STAB2: variants seen among roughly 807,000 people sequenced by gnomAD.
STAB2 encodes stabilin-2.
STAB2 carries 288 observed loss-of-function variants against 338.1 expected under a neutral mutation model. The ratio of observed to expected loss-of-function variants is 0.85; its 90% confidence interval spans 0.77 to 0.94. The LOEUF (loss-of-function observed/expected upper bound fraction) is 0.94. Ranked by LOEUF, STAB2 falls within the 40% of genes least tolerant of loss-of-function variation. STAB2 has a pLI of 0.00. For synonymous variants in STAB2, 1,202 were observed against 1,193.3 expected (o/e 1.01, Z -0.15); for missense variants, 3,141 against 3,210.1 (o/e 0.98, Z 0.52).
At chr12:103,744,060 C>G (rs1039451902) in intron 56 of STAB2, among the ~76,000 whole-genome samples, 1 of 152,104 alleles carries the variant, frequency 6.6e-6, no homozygotes, top group Non-Finnish European at 1.5e-5. Context: ...AATGCAACAA[C>G]CCAGGCCAGC....
Position 103,673,959 on chromosome 12 carries a change from C to A in STAB2, c.2424C>A (p.Ala808=). Residue 808 remains alanine, a synonymous_variant, in exon 23 of 69, where the codon GCC becomes GCA. Transcript: ENST00000388887. ...TCNNRIDSDG[A]CLTGTCRDGS... Reference sequence around the variant, plus strand: ...ATAACAGGATAGACAGCGATGGGGCCTGCCTCACTGGCACATGCAGAGACG... The same window carrying A: ...ATAACAGGATAGACAGCGATGGGGCATGCCTCACTGGCACATGCAGAGACG... The A allele has an allele frequency of 6.2e-7, 1 of 1,614,134 alleles. No individual in the cohort carries two copies. The highest frequency in any genetic ancestry group is 8.5e-7 in the Non-Finnish European group (1 of 1,180,028).
At chr12:103,608,225 G>A (rs893618027) in intron 3 of STAB2, among the ~76,000 whole-genome samples, 13 of 152,112 alleles carry the variant, frequency 8.5e-5, no homozygotes, top group Admixed American at 3.9e-4. Flanking sequence ...TGCAAGCTCC[G>A]CCTCATGGGT....
rs750374747 is a variant in STAB2, at chr12:103,749,016, T to C, written c.6298T>C (p.Ser2100Pro). The C allele has an allele frequency of 6.2e-7, 1 of 1,614,006 alleles. No homozygotes were observed. ...GGGCTGTGCAAAGGTGGCCAGATGC[T>C]CCCAGAAGGGCACGAAGGTCTCCTG... ...NGGCAKVARC[S>P]QKGTKVSCSC... The change falls in exon 59 of 69, where the codon TCC becomes CCC. Residue 2100 changes from serine to proline, a missense_variant. Coordinates refer to ENST00000388887, the MANE Select transcript of STAB2 (RefSeq NM_017564.10).
Position 103,737,799 on chromosome 12 carries a change from A to C in STAB2, c.5697+19A>C. 6.2e-7 allele frequency: 1 copy of C among 1,613,152 alleles called. No individual in the cohort carries two copies. Among genetic ancestry groups the C allele is most frequent in the Non-Finnish European group, 8.5e-7 (1 of 1,179,698 alleles). ...TGCCTCGGTCAGTCCTAAAAACAAC[A>C]GTGTAGTAAGAGAACCTTAAGCCAA... On this transcript the variant is annotated intron_variant, in intron 53 of 68. Coordinates refer to ENST00000388887, the MANE Select transcript of STAB2 (RefSeq NM_017564.10).
chr12:103,660,987 A>G (rs1874559466), intron 17 of STAB2, among the ~76,000 whole-genome samples: 1 of 152,232 alleles, frequency 6.6e-6, no homozygotes, highest in Non-Finnish European at 1.5e-5. Context: ...ATAGACTTCT[A>G]TCCCAGCAGG....
At chr12:103,698,993 C>T in intron 33 of STAB2, 103 bp from the exon 34 acceptor site, 3 of 1,396,192 alleles carry the variant, frequency 2.1e-6, no homozygotes, top group Non-Finnish European at 2.9e-6. Context: ...CTTGGACAAG[C>T]TGTTGTTCCT....
At chr12:103,644,796 C>G (rs1036154294) in intron 9 of STAB2, among the ~76,000 whole-genome samples, 1 of 152,104 alleles carries the variant, frequency 6.6e-6, no homozygotes, top group Non-Finnish European at 1.5e-5. Context: ...TTTTAAATAA[C>G]TGAAAGAGTA....
At chr12:103,621,715 T>G (rs571136828) in intron 4 of STAB2, among the ~76,000 whole-genome samples, 20 of 152,310 alleles carry the variant, frequency 1.3e-4, no homozygotes, top group African/African-American at 4.8e-4. Flanking sequence ...GGAGCGAGAC[T>G]CAGTCTCAAA....
chr12:103,668,780 T>C (rs1472867670), intron 20 of STAB2, 51 bp downstream of exon 20: 1 of 1,470,350 alleles, frequency 6.8e-7, no homozygotes, highest in Non-Finnish European at 9.1e-7. Flanking sequence ...GCCAGGCAGC[T>C]CCAGGGCCAT....
intron 8 of STAB2, among the ~76,000 whole-genome samples, chr12:103,639,616 A>G (rs575193776): frequency 6.6e-6 from 1 of 151,418 alleles, no homozygotes; most frequent in South Asian, 2.1e-4. Context: ...AGGTGGGAGA[A>G]TCACATGAGC....
chr12:103,639,722 A>T (rs891820671), intron 8 of STAB2, among the ~76,000 whole-genome samples: 10 of 151,744 alleles, frequency 6.6e-5, no homozygotes, highest in African/African-American at 7.3e-5. Context: ...AAAAAAAAAA[A>T]AAAACACTTG....
chr12:103,658,558 G>A (rs957458140), intron 15 of STAB2, among the ~76,000 whole-genome samples: 4 of 152,050 alleles, frequency 2.6e-5, no homozygotes, highest in African/African-American at 9.7e-5. Flanking sequence ...CTTTCCTATA[G>A]AAGCATCAGA....
At chr12:103,748,012 AAAGGG>A (rs1463478128) in intron 58 of STAB2, among the ~76,000 whole-genome samples, 3 of 147,884 alleles carry the variant, frequency 2.0e-5, no homozygotes, top group Non-Finnish European at 4.5e-5. Flanking sequence ...AAAAAAAAAA[AAAGGG>A]AAGAAGAAGA....
intron 13 of STAB2, 124 bp downstream of exon 13, chr12:103,654,822 GAGA>G (rs1023405668): frequency 4.0e-5 from 49 of 1,211,400 alleles, no homozygotes; most frequent in South Asian, 5.4e-5. Flanking sequence ...CCCGAGCAGA[GAGA>G]AGAAGAGGTG....
intron 7 of STAB2, 33 bp downstream of exon 7, chr12:103,637,269 A>G (rs777650073): frequency 6.3e-7 from 1 of 1,597,170 alleles, no homozygotes; most frequent in Non-Finnish European, 8.5e-7. Flanking sequence ...TAGTTTATTC[A>G]TTGAGATGTT....
chr12:103,715,993 T>C, intron 43 of STAB2, 105 bp downstream of exon 43: 1 of 1,196,722 alleles, frequency 8.4e-7, no homozygotes, highest in Non-Finnish European at 1.2e-6. Context: ...TCTAAAGAGC[T>C]GCAGCTGAAA....
intron 41 of STAB2, 59 bp from the exon 42 acceptor site, chr12:103,713,584 A>C: frequency 2.5e-6 from 4 of 1,598,552 alleles, no homozygotes. Flanking sequence ...CTTGAGGAAA[A>C]ATACATCAAT....
At chr12:103,649,997 C>T (rs1873618275) in intron 10 of STAB2, among the ~76,000 whole-genome samples, 1 of 152,108 alleles carries the variant, frequency 6.6e-6, no homozygotes. Flanking sequence ...AGCAGGATTA[C>T]CTACATACTT....
At chr12:103,645,429 G>A (rs1390627885) in intron 9 of STAB2, among the ~76,000 whole-genome samples, 1 of 152,210 alleles carries the variant, frequency 6.6e-6, no homozygotes, top group East Asian at 1.9e-4. Flanking sequence ...CAAGTCACTT[G>A]ACACAAAACA....
Sources: allele counts gnomAD v4.1 joint callset (sites outside exome capture counted in the v4.1 genomes callset), GRCh38; gene constraint gnomAD v4.1.1; transcripts MANE v1.5; gene names NCBI Gene and HGNC (gene_info 2026-07-23, HGNC 2026-07-21).